Variants in FAAH2 observed in about 807,000 individuals in gnomAD.
The protein encoded by FAAH2 is fatty-acid amide hydrolase 2.
A neutral mutation model predicts 36.9 loss-of-function variants in FAAH2; 60 were observed. That is an observed-to-expected ratio of 1.63 (90% CI 1.32 to 2.02). The LOEUF (loss-of-function observed/expected upper bound fraction) is 2.02. Ranked by LOEUF, FAAH2 falls within the 30% of genes most tolerant of loss-of-function variation. FAAH2 has a pLI of 0.00. For missense variants in FAAH2, 689 were observed against 397.5 expected, an observed-to-expected ratio of 1.73 and a Z score of -6.23; for synonymous variants, 214 against 143.8, an observed-to-expected ratio of 1.49 and a Z score of -3.49.
At chrX:57,187,159 G>A in the FAAH2 span, among the ~76,000 whole-genome samples, 1 of 111,676 alleles carries the variant, frequency 9.0e-6, no homozygotes, top group Admixed American at 9.5e-5. Context: ...TTTGAGCAGT[G>A]TGGTTATTTT....
intron 2 of FAAH2, among the ~76,000 whole-genome samples, chrX:57,300,192 C>T (rs893511564): frequency 9.0e-6 from 1 of 111,549 alleles, no homozygotes. Flanking sequence ...CATCACGCTA[C>T]CTGACTTCAA....
chrX:57,478,221 G>A (rs778915689), intron 10 of FAAH2, among the ~76,000 whole-genome samples: 2 of 111,904 alleles, frequency 1.8e-5, no homozygotes, highest in East Asian at 5.7e-4. Context: ...GTTTTGATAT[G>A]CATTTCTCTG....
intron 7 of FAAH2, among the ~76,000 whole-genome samples, chrX:57,427,257 T>A (rs1204967628): frequency 9.1e-6 from 1 of 109,894 alleles, no homozygotes; most frequent in Admixed American, 9.7e-5. Flanking sequence ...TTAAAAAACT[T>A]CCCAACAAAG....
chrX:57,193,938 T>A, the FAAH2 span, among the ~76,000 whole-genome samples: 2 of 111,854 alleles, frequency 1.8e-5, no homozygotes, highest in African/African-American at 3.2e-5. Flanking sequence ...TTGTTGCAGT[T>A]TTTTGAATAA....
At chrX:57,451,090 C>A (rs781690726) in intron 10 of FAAH2, among the ~76,000 whole-genome samples, 1 of 111,594 alleles carries the variant, frequency 9.0e-6, no homozygotes, top group African/African-American at 3.3e-5. Context: ...GGAAACATTT[C>A]CAAAGTCACA....
intron 3 of FAAH2, among the ~76,000 whole-genome samples, chrX:57,312,655 C>T (rs952860027): frequency 2.1e-5 from 2 of 95,229 alleles, no homozygotes; most frequent in Admixed American, 1.2e-4. Context: ...GCCTGGGCAA[C>T]AAGCACAAAA....
At chrX:57,334,334 C>A (rs2053489603) in intron 4 of FAAH2, among the ~76,000 whole-genome samples, 1 of 98,611 alleles carries the variant, frequency 1.0e-5, no homozygotes, top group South Asian at 4.7e-4. Context: ...ACTGAAAGAA[C>A]CATCAACTTA....
At chrX:57,164,509 G>T in the FAAH2 span, among the ~76,000 whole-genome samples, 1 of 111,844 alleles carries the variant, frequency 8.9e-6, no homozygotes, top group East Asian at 2.8e-4. Context: ...TCACCATTAT[G>T]GGATGAGACC....
chrX:57,270,934 T>G, the FAAH2 span, among the ~76,000 whole-genome samples: 1 of 111,900 alleles, frequency 8.9e-6, no homozygotes, highest in Admixed American at 9.4e-5. Flanking sequence ...GCAGGAGCTC[T>G]TTTTTTCCCA....
the FAAH2 span, among the ~76,000 whole-genome samples, chrX:57,198,095 T>C: frequency 9.0e-6 from 1 of 111,141 alleles, no homozygotes; most frequent in African/African-American, 3.3e-5. Context: ...TGAATAAGTA[T>C]TTGGGTTTCT....
the FAAH2 span, chrX:57,135,069 C>T: frequency 1.8e-5 from 2 of 111,739 alleles, no homozygotes; most frequent in African/African-American, 6.5e-5. Context: ...GGCCCCATAC[C>T]CCACAACTCT....
chrX:57,292,864 A>G lies in FAAH2; in HGVS notation c.275+284A>G, dbSNP rs1380763110. On this transcript the variant is annotated intron_variant, in intron 2 of 10. Transcript: ENST00000374900. ...TCCAGAACAAGGTCTACAGTTTGGT[A>G]GGCATCATTGAACATTTACTGAATA... Among the ~76,000 whole-genome samples, 9 of 111,875 alleles carry G rather than the reference A, an allele frequency of 8.0e-5. No individual in the cohort carries two copies. In the East Asian group the frequency reaches 2.5e-3, roughly 31 times the overall value.
chrX:57,198,078 G>T, the FAAH2 span, among the ~76,000 whole-genome samples: 3 of 111,518 alleles, frequency 2.7e-5, no homozygotes, highest in African/African-American at 6.5e-5. Flanking sequence ...CTTGCCCTAA[G>T]GTGGCCTGAA....
chrX:57,463,232 C>T (rs1223255011), intron 10 of FAAH2, among the ~76,000 whole-genome samples: 1 of 111,294 alleles, frequency 9.0e-6, no homozygotes, highest in East Asian at 2.8e-4. Context: ...GGCCATACCA[C>T]CCAAAGTAAT....
chrX:57,219,863 C>CTTTTTT, the FAAH2 span, among the ~76,000 whole-genome samples: 1,028 of 35,453 alleles, frequency 0.029, 131 homozygotes, highest in African/African-American at 0.074. Context: ...AGCGCCTTGT[C>CTTTTTT]TTTTTTTTTT....
intron 7 of FAAH2, among the ~76,000 whole-genome samples, chrX:57,405,680 T>A (rs994917080): frequency 1.6e-4 from 17 of 103,091 alleles, no homozygotes; most frequent in African/African-American, 3.6e-4. Context: ...TTTAAAAAAA[T>A]TTTTCTCTGA....
chrX:57,138,531 A>G, the FAAH2 span, among the ~76,000 whole-genome samples: 1 of 111,100 alleles, frequency 9.0e-6, no homozygotes, highest in Admixed American at 9.6e-5. Flanking sequence ...ATGTGAGTGC[A>G]GATAGCTCGT....
chrX:57,160,320 G>A, the FAAH2 span, among the ~76,000 whole-genome samples: 1,129 of 111,078 alleles, frequency 0.01, 13 homozygotes, highest in African/African-American at 0.036. Flanking sequence ...TTGTATCTCT[G>A]CCAGGCTTTG....
At chrX:57,165,415 T>C in the FAAH2 span, among the ~76,000 whole-genome samples, 1 of 111,755 alleles carries the variant, frequency 8.9e-6, no homozygotes, top group Non-Finnish European at 1.9e-5. Context: ...TTGGAAATCA[T>C]CATTCTCAGT....
Sources: allele counts gnomAD v4.1 joint callset (sites outside exome capture counted in the v4.1 genomes callset), GRCh38; gene constraint gnomAD v4.1.1; transcripts MANE v1.5; gene names NCBI Gene and HGNC (gene_info 2026-07-23, HGNC 2026-07-21).